Variants in RABGEF1 observed in about 807,000 individuals in gnomAD.
The protein encoded by RABGEF1 is rab5 GDP/GTP exchange factor.
In RABGEF1, 26 loss-of-function variants were observed where a neutral mutation model predicts 57.3. The ratio of observed to expected loss-of-function variants is 0.45; its 90% confidence interval spans 0.33 to 0.63. The LOEUF is 0.63. Among genes scored for constraint, RABGEF1 ranks in the 20% least tolerant of loss-of-function variants. The pLI is 0.02. For synonymous variants in RABGEF1, 185 were observed against 210.7 expected, an observed-to-expected ratio of 0.88 and a Z score of 1.06; for missense variants, 464 against 607.6, an observed-to-expected ratio of 0.76 and a Z score of 2.48.
chr7:66,773,059 G>A (rs1301757201), intron 2 of RABGEF1, among the ~76,000 whole-genome samples: 1 of 150,884 alleles, frequency 6.6e-6, no homozygotes, highest in African/African-American at 2.4e-5. Flanking sequence ...ATGGAATTCT[G>A]CCAACTCCTC....
At chr7:66,710,242 C>T in intron 1 of RABGEF1, among the ~76,000 whole-genome samples, 1 of 152,092 alleles carries the variant, frequency 6.6e-6, no homozygotes, top group East Asian at 1.9e-4. Flanking sequence ...AAGTATTACC[C>T]CATTGATTGG....
rs1008667208 is a variant in RABGEF1, at chr7:66,797,653, T to C, written c.728+147T>C. 17 of 902,374 alleles carry C rather than the reference T, an allele frequency of 1.9e-5. No homozygotes were observed. The African/African-American group carries it at 2.6e-4, about 14-fold the overall frequency. 55.9% of individuals were successfully genotyped at this position (902,374 alleles called of 1,614,324 possible). On this transcript the variant is annotated intron_variant, in intron 6 of 8. Transcript: ENST00000284957. ...CCTTAGAGTGGAAGCAGCTCTGTTG[T>C]GTAAGAAAGACGAGGAATGTGGTGA...
At chr7:66,687,106 C>T (rs113035651) in intron 1 of RABGEF1, among the ~76,000 whole-genome samples, 118 of 146,420 alleles carry the variant, frequency 8.1e-4, no homozygotes, top group Middle Eastern at 3.7e-3. Flanking sequence ...CGAGCCACCA[C>T]GCCCGGCTTT....
chr7:66,744,140 A>T (rs1165296304), intron 1 of RABGEF1, among the ~76,000 whole-genome samples: 1 of 150,146 alleles, frequency 6.7e-6, no homozygotes, highest in African/African-American at 2.5e-5. Context: ...GATTCAAGCG[A>T]TTTGTGTGCC....
chr7:66,665,152 GT>G, the RABGEF1 span: 6,065 of 147,898 alleles, frequency 0.041, 168 homozygotes, highest in East Asian at 0.087. Flanking sequence ...CAGAATTCTT[GT>G]TTTTTTTTTT....
chr7:66,725,975 A>G (rs538241969), intron 2 of RABGEF1, among the ~76,000 whole-genome samples: 9 of 152,190 alleles, frequency 5.9e-5, no homozygotes, highest in Admixed American at 1.3e-4. Flanking sequence ...ACCCCCATTC[A>G]TCAGGCCTCC....
At chr7:66,716,544 T>C (rs567666495) in intron 2 of RABGEF1, among the ~76,000 whole-genome samples, 6 of 152,230 alleles carry the variant, frequency 3.9e-5, no homozygotes, top group East Asian at 1.9e-4. Context: ...GAGGTTGCAG[T>C]GAGCCAAGAT....
intron 6 of RABGEF1, 99 bp from the exon 7 acceptor site, chr7:66,799,224 T>C: frequency 2.3e-6 from 2 of 863,998 alleles, no homozygotes; most frequent in Middle Eastern, 2.2e-4. Flanking sequence ...GATTGAGTGG[T>C]CAGTGATGCC....
At chr7:66,671,465 C>T in the RABGEF1 span, among the ~76,000 whole-genome samples, 1 of 152,160 alleles carries the variant, frequency 6.6e-6, no homozygotes, top group South Asian at 2.1e-4. Flanking sequence ...TTTCGGGGCT[C>T]AGCCTTGCCA....
intron 1 of RABGEF1, among the ~76,000 whole-genome samples, chr7:66,712,000 T>C (rs779501520): frequency 6.6e-6 from 1 of 152,238 alleles, no homozygotes; most frequent in Non-Finnish European, 1.5e-5. Flanking sequence ...TAATTACTTA[T>C]AGTAAGTCCT....
At chr7:66,729,776 G>C (rs1468985569) in intron 2 of RABGEF1, among the ~76,000 whole-genome samples, 1 of 152,242 alleles carries the variant, frequency 6.6e-6, no homozygotes, top group Non-Finnish European at 1.5e-5. Flanking sequence ...ATGATGGATG[G>C]ATGTGGCCAG....
Position 66,811,006 on chromosome 7 carries a change from ATCT to A in RABGEF1, c.*1727_*1729del, listed in dbSNP as rs1398974147. Reference sequence around the variant, plus strand: ...AAGTTACTATCAAATGCCAGTGAGAATCTTCTTATAGAATAACCTGGGCCCAAG... The same window carrying A: ...AAGTTACTATCAAATGCCAGTGAGAATCTTATAGAATAACCTGGGCCCAAG... On this transcript the variant is annotated 3_prime_UTR_variant, in exon 9 of 9. Transcript: ENST00000284957. 5.3e-5 allele frequency: 8 copies of A among 152,222 alleles called. No homozygotes were observed. The highest frequency in any genetic ancestry group is 1.9e-4 in the African/African-American group (8 of 41,460). The allele number at this position is 152,222 out of a possible 1,614,324, so 9.4% of individuals were successfully genotyped here. A position where few individuals can be genotyped will look rare whatever the true frequency, so the allele number is the denominator to read the frequency against.
chr7:66,766,073 C>T (rs547989323), intron 1 of RABGEF1, among the ~76,000 whole-genome samples: 1 of 152,252 alleles, frequency 6.6e-6, no homozygotes, highest in East Asian at 1.9e-4. Context: ...CTCAGACTTT[C>T]AAAATAATTT....
intron 1 of RABGEF1, among the ~76,000 whole-genome samples, chr7:66,758,812 TGTG>T (rs1803459821): frequency 6.6e-6 from 1 of 152,246 alleles, no homozygotes; most frequent in Non-Finnish European, 1.5e-5. Context: ...ATCTGAGTGT[TGTG>T]TTTAACTGGT....
chr7:66,729,485 T>TCCTCACCTCCATCCTCACCTTCAA (rs1242882851), intron 2 of RABGEF1, among the ~76,000 whole-genome samples: 4 of 152,030 alleles, frequency 2.6e-5, no homozygotes, highest in East Asian at 3.8e-4. Flanking sequence ...CTGCTCTCCA[T>TCCTCACCTCCATCCTCACCTTCAA]CCTCACCTCC....
the RABGEF1 span, among the ~76,000 whole-genome samples, chr7:66,661,083 G>A: frequency 3.9e-5 from 6 of 152,048 alleles, no homozygotes; most frequent in African/African-American, 9.7e-5. Context: ...GCCAAGGCGG[G>A]TGGATCATGA....
chr7:66,663,463 A>C, the RABGEF1 span, among the ~76,000 whole-genome samples: 3 of 152,142 alleles, frequency 2.0e-5, no homozygotes, highest in Non-Finnish European at 4.4e-5. Context: ...CTGTAATCCC[A>C]GCCACTTGGG....
At chr7:66,775,065 G>A (rs973305266) in intron 2 of RABGEF1, among the ~76,000 whole-genome samples, 162 bp from the exon 3 acceptor site, 3 of 152,178 alleles carry the variant, frequency 2.0e-5, no homozygotes, top group Non-Finnish European at 4.4e-5. Flanking sequence ...TGCATGAAGA[G>A]CCGTCCATCC....
At chr7:66,703,666 T>TA (rs1283813081) in intron 1 of RABGEF1, among the ~76,000 whole-genome samples, 2 of 152,220 alleles carry the variant, frequency 1.3e-5, no homozygotes, top group Non-Finnish European at 2.9e-5. Context: ...TGTCTGTCCT[T>TA]ATGGCAGTAT....
Sources: gnomAD v4.1 joint callset for allele counts (sites outside exome capture counted in the v4.1 genomes callset) on GRCh38, gnomAD v4.1.1 for gene constraint, MANE v1.5 for transcripts, NCBI Gene and HGNC (gene_info 2026-07-23, HGNC 2026-07-21) for gene names.